The following TBCK variants were observed in gnomAD, a reference collection of about 807,000 sequenced individuals.
The protein encoded by TBCK is TBC1 domain containing kinase, also known as TBC domain-containing protein kinase-like protein.
In TBCK, 99 loss-of-function variants were observed where a neutral mutation model predicts 113.4. That is an observed-to-expected ratio of 0.87 (90% CI 0.74 to 1.03). The LOEUF (loss-of-function observed/expected upper bound fraction) is 1.03, where lower values mean the gene tolerates loss of function less well. TBCK is among the 50% of genes least tolerant of loss of function. The pLI is 0.00. For synonymous variants in TBCK, 369 were observed against 370.8 expected (o/e 1.00, Z 0.05); for missense variants, 1,045 against 1,061.3 (o/e 0.98, Z 0.21).
At chr4:106,207,718 C>G (rs1431317280) in intron 20 of TBCK, among the ~76,000 whole-genome samples, 1 of 152,114 alleles carries the variant, frequency 6.6e-6, no homozygotes, top group African/African-American at 2.4e-5. Flanking sequence ...ATATTATCCA[C>G]AGGCTTGAAA....
chr4:106,169,982 G>A lies in TBCK; in HGVS notation c.2235+1113C>T, dbSNP rs1357981245. Among the ~76,000 whole-genome samples, 2 of 152,068 alleles carry A rather than the reference G, an allele frequency of 1.3e-5. 1 individual carries two copies. The highest frequency in any genetic ancestry group is 2.9e-5 in the Non-Finnish European group (2 of 67,990). On this transcript the variant is annotated intron_variant, in intron 23 of 25. Transcript: ENST00000394708. ...CGCTCAGGTGGTAATGCAAGTAAGG[G>A]AGCAGTGGCCGTAAATACAGATAAA...
At chr4:106,091,567 A>T (rs1158735389) in intron 25 of TBCK, among the ~76,000 whole-genome samples, 1 of 152,016 alleles carries the variant, frequency 6.6e-6, no homozygotes, top group African/African-American at 2.4e-5. Flanking sequence ...TCATGAGTGA[A>T]GCTGCAGACC....
intron 24 of TBCK, among the ~76,000 whole-genome samples, chr4:106,113,443 T>C (rs926670020): frequency 6.6e-6 from 1 of 152,194 alleles, no homozygotes; most frequent in Non-Finnish European, 1.5e-5. Flanking sequence ...TCTCAAGACA[T>C]AAAACCTGCA....
chr4:106,197,401 GTGTGTGTGTGTA>G (rs1181748909), intron 20 of TBCK, among the ~76,000 whole-genome samples: 2 of 107,380 alleles, frequency 1.9e-5, no homozygotes, highest in African/African-American at 5.9e-5. Flanking sequence ...GTGTGTGTGT[GTGTGTGTGTGTA>G]TATATATATA....
intron 23 of TBCK, among the ~76,000 whole-genome samples, chr4:106,133,951 AG>A (rs1274549920): frequency 6.6e-6 from 1 of 152,064 alleles, no homozygotes; most frequent in Non-Finnish European, 1.5e-5. Context: ...TGGAGGCTGC[AG>A]TGAATGCAGA....
intron 24 of TBCK, among the ~76,000 whole-genome samples, chr4:106,104,350 G>A (rs1180420621): frequency 1.3e-5 from 2 of 152,238 alleles, no homozygotes; most frequent in African/African-American, 2.4e-5. Context: ...TGGGTGGGTT[G>A]CCATCTTTGC....
chr4:106,068,200 G>A (rs907278716), intron 25 of TBCK, among the ~76,000 whole-genome samples: 3 of 151,742 alleles, frequency 2.0e-5, no homozygotes, highest in African/African-American at 7.3e-5. Context: ...TGTGCACAAC[G>A]TGCAGGTTTG....
chr4:106,176,295 T>A (rs1226990944), intron 22 of TBCK, among the ~76,000 whole-genome samples: 1 of 152,062 alleles, frequency 6.6e-6, no homozygotes, highest in African/African-American at 2.4e-5. Context: ...GTATTTTGTA[T>A]CCATTAACCA....
At chr4:106,101,247 G>A (rs1349592696) in intron 24 of TBCK, among the ~76,000 whole-genome samples, 1 of 152,100 alleles carries the variant, frequency 6.6e-6, no homozygotes, top group Non-Finnish European at 1.5e-5. Flanking sequence ...GCAAATCGGA[G>A]CTCTTTAACA....
At chr4:106,263,266 G>C (rs1762665211) in intron 3 of TBCK, among the ~76,000 whole-genome samples, 1 of 151,116 alleles carries the variant, frequency 6.6e-6, no homozygotes, top group South Asian at 2.1e-4. Flanking sequence ...AGATAATATG[G>C]AATAATAAAA....
In TBCK at chr4:106,277,371, G is replaced by T. The variant is rs140819917; in HGVS notation, c.267-15159C>A. Among the ~76,000 whole-genome samples the T allele has an allele frequency of 2.1e-3, 324 of 151,686 alleles. 3 individuals are homozygous for T. Among genetic ancestry groups the T allele is most frequent in the Middle Eastern group, 0.01 (3 of 294 alleles). Reference sequence around the variant, plus strand: ...TCCTCATGAAAAATGAAAACAGAAGGCCACAAAAAAAAGACTTAACAGGGC... The same window carrying T: ...TCCTCATGAAAAATGAAAACAGAAGTCCACAAAAAAAAGACTTAACAGGGC... On this transcript the variant is annotated intron_variant, in intron 3 of 25. Transcript: ENST00000394708.
intron 12 of TBCK, chr4:106,237,433 G>A: frequency 2.2e-6 from 1 of 451,094 alleles, no homozygotes; most frequent in East Asian, 7.1e-5. Context: ...GAAGGCAGTA[G>A]TAAAGTAAAA....
At chr4:106,208,336 T>G (rs1444807535) in intron 20 of TBCK, among the ~76,000 whole-genome samples, 1 of 152,072 alleles carries the variant, frequency 6.6e-6, no homozygotes, top group Non-Finnish European at 1.5e-5. Flanking sequence ...ATCCCTACCA[T>G]TCACCTATTT....
chr4:106,116,826 C>T (rs1374102236), intron 23 of TBCK, among the ~76,000 whole-genome samples: 4 of 152,022 alleles, frequency 2.6e-5, no homozygotes, highest in Non-Finnish European at 5.9e-5. Flanking sequence ...TAGATAGGAT[C>T]ATCTAGTTGC....
At chr4:106,156,912 C>T (rs1413030197) in intron 23 of TBCK, among the ~76,000 whole-genome samples, 1 of 152,154 alleles carries the variant, frequency 6.6e-6, no homozygotes, top group Non-Finnish European at 1.5e-5. Flanking sequence ...ACTTTTCCCT[C>T]TAATGTTCTC....
intron 2 of TBCK, 82 bp downstream of exon 2, chr4:106,308,686 T>C (rs1767813618): frequency 3.1e-6 from 4 of 1,288,868 alleles, no homozygotes; most frequent in South Asian, 1.5e-5. Flanking sequence ...ATGATAGCTT[T>C]ATATATTTAG....
At chr4:106,233,127 T>C in intron 16 of TBCK, 63 bp from the exon 17 acceptor site, 1 of 1,408,378 alleles carries the variant, frequency 7.1e-7, no homozygotes, top group Non-Finnish European at 9.7e-7. Context: ...AAACCCTTAA[T>C]CCTTGTTCAT....
intron 3 of TBCK, 94 bp downstream of exon 3, chr4:106,295,000 A>C: frequency 1.0e-6 from 1 of 960,584 alleles, no homozygotes. Context: ...TTAAACAAGT[A>C]ACAAAAGAAA....
intron 5 of TBCK, among the ~76,000 whole-genome samples, chr4:106,256,211 G>A (rs1367054042): frequency 6.6e-6 from 1 of 152,072 alleles, no homozygotes; most frequent in Non-Finnish European, 1.5e-5. Flanking sequence ...CATGCTTCAG[G>A]CCCTCCTGGG....
Sources: gnomAD v4.1 joint callset for allele counts (sites outside exome capture counted in the v4.1 genomes callset) on GRCh38, gnomAD v4.1.1 for gene constraint, MANE v1.5 for transcripts, NCBI Gene and HGNC (gene_info 2026-07-23, HGNC 2026-07-21) for gene names.